The following EPN3 variants were observed in gnomAD, a reference collection of about 807,000 sequenced individuals.
The protein encoded by EPN3 is epsin 3.
A neutral mutation model predicts 55.5 loss-of-function variants in EPN3; 56 were observed. That is an observed-to-expected ratio of 1.01 (90% CI 0.81 to 1.26). The LOEUF (loss-of-function observed/expected upper bound fraction) is 1.26, where lower values mean the gene tolerates loss of function less well. Among genes scored for constraint, EPN3 ranks in the 50% most tolerant of loss-of-function variants. The pLI, the probability that EPN3 is intolerant of heterozygous loss-of-function variation, is 0.00. For synonymous variants in EPN3, 449 were observed against 375.2 expected, an observed-to-expected ratio of 1.20 and a Z score of -2.27; for missense variants, 927 against 853.4, an observed-to-expected ratio of 1.09 and a Z score of -1.07.
At chr17:50,534,280 G>A (rs2034726375) in intron 1 of EPN3, 1 of 383,204 alleles carries the variant, frequency 2.6e-6, no homozygotes, top group Non-Finnish European at 3.6e-6. Flanking sequence ...TGCAGAGAAT[G>A]CCCACCTTCT....
Position 50,538,993 on chromosome 17 carries a change from G to GTGC in EPN3, c.762+44_762+46dup, listed in dbSNP as rs770136408. 3.9e-5 allele frequency: 61 copies of GTGC among 1,573,140 alleles called. No homozygotes were observed. The African/African-American group carries it at 3.9e-4, about 10-fold the overall frequency. On this transcript the variant is annotated intron_variant, in intron 4 of 9. Transcript: ENST00000268933. ...GTGGGCCGAGCCCGCTGGGCTGCCG[G>GTGC]TGCTGCTGCTGCTGCTGGTGGAGGT... is the stretch of plus-strand genomic sequence containing the variant.
rs1161985295 is a variant in EPN3 at position 50,540,257 on chromosome 17, T to C, written c.902T>C (p.Leu301Pro). 8.1e-6 allele frequency: 13 copies of C among 1,612,402 alleles called. No individual in the cohort carries two copies. Among genetic ancestry groups the C allele is most frequent in the African/African-American group, 1.3e-5 (1 of 74,928 alleles). ...EKLKTSQSSI[L>P]DLADIFVPAL... ...CTCTCCCCTCCACAGTCCTCCATCC[T>C]GGACTTGGCTGACATCTTCGTACCT... Residue 301 changes from leucine (L) to proline (P), a missense_variant, in exon 6 of 10, where the codon CTG (leucine) becomes CCG (proline). Leu to Pro is a moderately conservative substitution (Grantham distance 98, BLOSUM62 -3). Transcript: ENST00000268933.
chr17:50,543,255 C>T lies in EPN3; in HGVS notation c.*1098C>T, dbSNP rs1002228068. The T allele has an allele frequency of 1.3e-5, 2 of 152,262 alleles. No individual in the cohort carries two copies. Among genetic ancestry groups the T allele is most frequent in the Admixed American group, 6.5e-5 (1 of 15,292 alleles). The allele number at this position is 152,262 out of a possible 1,614,324, so 9.4% of individuals were successfully genotyped here. ...TGTAACTCTGCCCTCTCCCTTGCTT[C>T]GCCAAGGCTAGCGAGAAACTCAGTC... On this transcript the variant is annotated 3_prime_UTR_variant, in exon 10 of 10. Transcript: ENST00000268933.
At chr17:50,538,316 G>GAC in intron 3 of EPN3, 119 bp downstream of exon 3, 2 of 695,372 alleles carry the variant, frequency 2.9e-6, no homozygotes, top group South Asian at 3.7e-5. Flanking sequence ...TGTGCCCAAG[G>GAC]ACAGCACAAG....
chr17:50,535,860 C>A (rs971800441), intron 1 of EPN3, among the ~76,000 whole-genome samples: 9 of 152,218 alleles, frequency 5.9e-5, no homozygotes, highest in Non-Finnish European at 4.4e-5. Context: ...AGCTAGATCT[C>A]AGCAGAAACA....
At position 50,534,059 on chromosome 17, in the gene EPN3, C is replaced by T. The variant is rs138161763; in HGVS notation, c.-137+1074C>T. 2.6e-3 allele frequency among the ~76,000 whole-genome samples: 400 copies of T among 151,372 alleles called. 2 individuals are homozygous for T. The Middle Eastern group carries it at 0.027, about 10-fold the overall frequency. On this transcript the variant is annotated intron_variant, in intron 1 of 9. Coordinates refer to ENST00000268933, the MANE Select transcript of EPN3 (RefSeq NM_017957.3). Reference sequence around the variant, plus strand: ...CCAGCTGCTCCCTCCCGCGTTCCCGCGTTCCTTCCTTTCCTCCTCCCTTCT... The same window carrying T: ...CCAGCTGCTCCCTCCCGCGTTCCCGTGTTCCTTCCTTTCCTCCTCCCTTCT...
rs964039633 is a variant in EPN3, at chr17:50,541,234, G to A, written c.1255G>A (p.Ala419Thr). The change falls in exon 8 of 10, where the codon GCC (alanine) becomes ACC (threonine). Residue 419 changes from alanine (A) to threonine (T), a missense_variant. By Grantham distance (58) the Ala-to-Thr change is moderately conservative. Coordinates refer to ENST00000268933, the MANE Select transcript of EPN3 (RefSeq NM_017957.3). ...SLETSDTPGG[A>T]STFDPFAKPP... The stretch of plus-strand genomic sequence containing the variant: ...CTTCCTCTCTCTCTTCCGAGGTGGT[G>A]CCTCGACCTTTGACCCATTTGCCAA... 2.5e-6 allele frequency: 4 copies of A among 1,613,674 alleles called. No individual in the cohort carries two copies. Among genetic ancestry groups the A allele is most frequent in the Admixed American group, 3.3e-5 (2 of 60,014 alleles).
intron 9 of EPN3, 60 bp downstream of exon 9, chr17:50,541,754 CGGA>C: frequency 6.2e-7 from 1 of 1,606,314 alleles, no homozygotes; most frequent in Non-Finnish European, 8.5e-7. Context: ...TAGCCTCCGC[CGGA>C]GGAGCCCACT....
chr17:50,533,318 C>T (rs143832669), intron 1 of EPN3, among the ~76,000 whole-genome samples: 14 of 152,260 alleles, frequency 9.2e-5, no homozygotes, highest in African/African-American at 3.1e-4. Flanking sequence ...CAGGGCAGTC[C>T]CCCCTCCCCC....
rs949313032 is a variant in EPN3 at position 50,534,662 on chromosome 17, G to A, written c.-137+1677G>A. 7.6e-5 allele frequency: 75 copies of A among 984,988 alleles called. No homozygotes were observed. In the African/African-American group the frequency reaches 8.4e-4, roughly 11 times the overall value. 61.0% of individuals were successfully genotyped at this position (984,988 alleles called of 1,614,324 possible). A position where few individuals can be genotyped will look rare whatever the true frequency, so the allele number is the denominator to read the frequency against. On this transcript the variant is annotated intron_variant, in intron 1 of 9. Transcript: ENST00000268933. The stretch of plus-strand genomic sequence containing the variant: ...AGATAGCAGACAAAAGGTAGGCTGC[G>A]CTGTGGGCCAGGCACTCTCCACCTC...
Position 50,532,862 on chromosome 17 carries a change from G to C in EPN3, c.-260G>C, listed in dbSNP as rs752434120. 3.3e-5 allele frequency: 42 copies of C among 1,283,956 alleles called. 1 individual carries two copies. The South Asian group carries it at 4.6e-4, about 14-fold the overall frequency. 79.5% of individuals were successfully genotyped at this position (1,283,956 alleles called of 1,614,324 possible). Reference sequence around the variant, plus strand: ...GGGAGCAGGTGGGTCTCTGGGACGAGGGTCCATGGTGGATGGCTCTGGAGA... The same window carrying C: ...GGGAGCAGGTGGGTCTCTGGGACGACGGTCCATGGTGGATGGCTCTGGAGA... On this transcript the variant is annotated 5_prime_UTR_variant, in exon 1 of 10. Coordinates refer to ENST00000268933, the MANE Select transcript of EPN3 (RefSeq NM_017957.3).
intron 1 of EPN3, chr17:50,534,604 C>A: frequency 1.0e-6 from 1 of 985,420 alleles, no homozygotes; most frequent in Non-Finnish European, 1.2e-6. Context: ...CGTGGCATTC[C>A]CACAGAAGGC....
Position 50,540,916 on chromosome 17 carries a change from C to A in EPN3, c.1103C>A (p.Ser368Tyr), listed in dbSNP as rs1430852612. ...SQPWDLTPML[S>Y]SSEPWGRTPV... is the part of the protein sequence containing the mutation. ...CCCTGGGATCTGACTCCCATGCTCT[C>A]CTCCTCTGAGCCCTGGGGCAGGACC... Residue 368 changes from serine to tyrosine, a missense_variant, in exon 7 of 10, where the codon TCC becomes TAC. Physicochemically the swap from Ser to Tyr is moderately radical, Grantham distance 144 (BLOSUM62 -2). Coordinates refer to ENST00000268933, the MANE Select transcript of EPN3 (RefSeq NM_017957.3). 2 of 1,614,148 alleles carry A rather than the reference C, an allele frequency of 1.2e-6. No homozygotes were observed. Among genetic ancestry groups the A allele is most frequent in the East Asian group, 4.5e-5 (2 of 44,870 alleles).
intron 1 of EPN3, among the ~76,000 whole-genome samples, chr17:50,533,809 TCTC>T (rs1161810310): frequency 9.8e-6 from 1 of 101,960 alleles, no homozygotes; most frequent in Non-Finnish European, 2.2e-5. Context: ...TCCTCTGCCC[TCTC>T]GTCATCTCTG....
rs2034875757 is a variant in EPN3, at chr17:50,543,579, G to A, written c.*1422G>A. ...TGCCACTCCCCTTCCTGAGGTGGGG[G>A]TAGGGGAAGGGAGTCCCACAATGCA... On this transcript the variant is annotated 3_prime_UTR_variant, in exon 10 of 10. Transcript: ENST00000268933. 1 of 152,224 alleles carries A rather than the reference G, an allele frequency of 6.6e-6. No individual in the cohort carries two copies. The highest frequency in any genetic ancestry group is 2.1e-4 in the South Asian group (1 of 4,824). 9.4% of individuals were successfully genotyped at this position (152,224 alleles called of 1,614,324 possible). A position where few individuals can be genotyped will look rare whatever the true frequency, so the allele number is the denominator to read the frequency against.
chr17:50,537,998 A>G (rs2034789210), intron 2 of EPN3, 81 bp from the exon 3 acceptor site: 2 of 1,175,372 alleles, frequency 1.7e-6, no homozygotes, highest in Non-Finnish European at 2.5e-6. Flanking sequence ...AGTTCTCTTG[A>G]GCCTCAGCTT....
At chr17:50,538,006 C>T in intron 2 of EPN3, 73 bp from the exon 3 acceptor site, 4 of 1,277,212 alleles carry the variant, frequency 3.1e-6, no homozygotes. Context: ...TGAGCCTCAG[C>T]TTCCTGGCAG....
Position 50,538,165 on chromosome 17 carries a change from G to T in EPN3, c.649G>T (p.Ala217Ser). Residue 217 changes from alanine to serine, a missense_variant, in exon 3 of 10, where the codon GCC becomes TCC. Coordinates refer to ENST00000268933, the MANE Select transcript of EPN3 (RefSeq NM_017957.3). ...GGAAGAGGAACTGCAGCTGCAGCTG[G>T]CCCTCGCCATGAGCCGTGAGGAGGC... ...SGEEELQLQL[A>S]LAMSREEAEK... is the part of the protein sequence containing the mutation. 1 of 1,612,940 alleles carries T rather than the reference G, an allele frequency of 6.2e-7. No homozygotes were observed.
rs1303966137 is a variant in EPN3, at chr17:50,542,197, C to T, written c.*40C>T. 1.4e-6 allele frequency: 2 copies of T among 1,428,602 alleles called. No individual in the cohort carries two copies. Among genetic ancestry groups the T allele is most frequent in the Non-Finnish European group, 9.1e-7 (1 of 1,101,120 alleles). The allele number at this position is 1,428,602 out of a possible 1,614,324, so 88.5% of individuals were successfully genotyped here. A position where few individuals can be genotyped will look rare whatever the true frequency, so the allele number is the denominator to read the frequency against. On this transcript the variant is annotated 3_prime_UTR_variant, in exon 10 of 10. Transcript: ENST00000268933. ...CATACCGGCCTGCGCCTGCGCCGGA[C>T]GCTCCGCGGCCCCGCCTCCGGACCC...
Sources: gnomAD v4.1 joint callset for allele counts (sites outside exome capture counted in the v4.1 genomes callset) on GRCh38, gnomAD v4.1.1 for gene constraint, MANE v1.5 for transcripts, NCBI Gene and HGNC (gene_info 2026-07-23, HGNC 2026-07-21) for gene names.